TADA2B: variants seen among roughly 807,000 people sequenced by gnomAD.
TADA2B encodes transcriptional adapter 2-beta.
TADA2B carries 13 observed loss-of-function variants against 34.5 expected under a neutral mutation model. The ratio of observed to expected loss-of-function variants is 0.38; its 90% CI spans 0.25 to 0.60. The LOEUF (loss-of-function observed/expected upper bound fraction) is 0.60. TADA2B is among the 20% of genes least tolerant of loss of function. The pLI, the probability that TADA2B is intolerant of heterozygous loss-of-function variation, is 0.65. For synonymous variants in TADA2B, 240 were observed against 243.4 expected (o/e 0.99, Z 0.13); for missense variants, 442 against 575.0 (o/e 0.77, Z 2.37).
intron 1 of TADA2B, among the ~76,000 whole-genome samples, chr4:7,048,550 T>G (rs1245657317): frequency 2.0e-5 from 3 of 152,156 alleles, no homozygotes; most frequent in Non-Finnish European, 2.9e-5. Context: ...AACTTCAAAA[T>G]TATTTAAAAA....
chr4:7,046,744 G>A (rs1283396761), intron 1 of TADA2B, among the ~76,000 whole-genome samples: 3 of 152,218 alleles, frequency 2.0e-5, no homozygotes, highest in Admixed American at 6.5e-5. Context: ...GTGATGTGAC[G>A]AAAGATGAGA....
chr4:7,044,716 G>C (rs1723580306), intron 1 of TADA2B, among the ~76,000 whole-genome samples: 1 of 152,166 alleles, frequency 6.6e-6, no homozygotes, highest in Non-Finnish European at 1.5e-5. Context: ...CCATCCCCGG[G>C]CACCCTGAGG....
chr4:7,043,886 C>G, intron 1 of TADA2B, 37 bp downstream of exon 1: 1 of 1,448,710 alleles, frequency 6.9e-7, no homozygotes, highest in Non-Finnish European at 9.1e-7. Context: ...CCGGCTAGGG[C>G]ACTGGAAGGC....
chr4:7,044,286 C>G (rs1003944417), intron 1 of TADA2B, among the ~76,000 whole-genome samples: 1 of 152,200 alleles, frequency 6.6e-6, no homozygotes, highest in Non-Finnish European at 1.5e-5. Flanking sequence ...CTCGGGGTCT[C>G]TGGGGCGGCC....
intron 1 of TADA2B, among the ~76,000 whole-genome samples, chr4:7,046,427 G>T (rs1253963095): frequency 6.6e-6 from 1 of 152,158 alleles, no homozygotes; most frequent in Non-Finnish European, 1.5e-5. Flanking sequence ...CTCGGGGGTG[G>T]GTTCTTATTC....
rs1723895306 is a variant in TADA2B at position 7,056,467 on chromosome 4, C to T, written c.*1413C>T. ...CCCGTAGGTACCAAGAGACTGTTTACCTCCCAGAATGTTTGGGCTTGAAGT... is the reference window on the plus strand; with the variant it reads ...CCCGTAGGTACCAAGAGACTGTTTATCTCCCAGAATGTTTGGGCTTGAAGT... On this transcript the variant is annotated 3_prime_UTR_variant, in exon 2 of 2. Coordinates refer to ENST00000310074, the MANE Select transcript of TADA2B (RefSeq NM_152293.3). 1 of 152,522 alleles carries T rather than the reference C, an allele frequency of 6.6e-6. No individual in the cohort carries two copies. Among genetic ancestry groups the T allele is most frequent in the Non-Finnish European group, 1.5e-5 (1 of 68,024 alleles). The allele number at this position is 152,522 out of a possible 1,614,324, so 9.4% of individuals were successfully genotyped here. A position where few individuals can be genotyped will look rare whatever the true frequency, so the allele number is the denominator to read the frequency against.
chr4:7,045,522 C>T (rs1029915498), intron 1 of TADA2B: 3 of 152,256 alleles, frequency 2.0e-5, no homozygotes, highest in Admixed American at 2.0e-4. Flanking sequence ...AATGAGATCT[C>T]ATCTGTTACC....
In TADA2B at chr4:7,043,732, C is replaced by T; in HGVS notation, c.153C>T (p.Tyr51=). The change falls in exon 1 of 2, where the codon TAC becomes TAT. Residue 51 remains tyrosine (Y), a synonymous_variant. Coordinates refer to ENST00000310074, the MANE Select transcript of TADA2B (RefSeq NM_152293.3). ...EIGHHRRYHG[Y]QLVDGGRFTL... Reference sequence around the variant, plus strand: ...GCCACCACCGCCGCTACCACGGCTACCAGCTGGTGGACGGCGGGCGCTTCA... The same window carrying T: ...GCCACCACCGCCGCTACCACGGCTATCAGCTGGTGGACGGCGGGCGCTTCA... 1 of 1,589,868 alleles carries T rather than the reference C, an allele frequency of 6.3e-7. No individual in the cohort carries two copies. Among genetic ancestry groups the T allele is most frequent in the Non-Finnish European group, 8.5e-7 (1 of 1,173,712 alleles).
intron 1 of TADA2B, among the ~76,000 whole-genome samples, chr4:7,048,516 G>C (rs1723692065): frequency 6.6e-6 from 1 of 152,220 alleles, no homozygotes; most frequent in African/African-American, 2.4e-5. Flanking sequence ...CTGGGGTAGA[G>C]TGGTAAGACA....
intron 1 of TADA2B, among the ~76,000 whole-genome samples, chr4:7,044,667 C>T (rs1011766567): frequency 1.3e-5 from 2 of 152,202 alleles, no homozygotes; most frequent in African/African-American, 4.8e-5. Context: ...GAGAAAATCT[C>T]TAGCCGTATT....
intron 1 of TADA2B, among the ~76,000 whole-genome samples, chr4:7,048,353 C>T (rs1161967572): frequency 1.3e-5 from 2 of 152,084 alleles, no homozygotes; most frequent in Admixed American, 6.6e-5. Flanking sequence ...TCTCCAACTC[C>T]AGCCCACAGT....
At chr4:7,047,665 G>A (rs1001055777) in intron 1 of TADA2B, among the ~76,000 whole-genome samples, 1 of 152,278 alleles carries the variant, frequency 6.6e-6, no homozygotes. Flanking sequence ...GGGCAAGTGG[G>A]CCTCAGGATG....
At chr4:7,043,967 C>T in intron 1 of TADA2B, 118 bp downstream of exon 1, 1 of 1,276,628 alleles carries the variant, frequency 7.8e-7, no homozygotes, top group Non-Finnish European at 1.0e-6. Flanking sequence ...CCCAGAAGGC[C>T]CCGGAGGTGG....
chr4:7,043,693 C>T lies in TADA2B; in HGVS notation c.114C>T (p.Ala38=), dbSNP rs755663859. The T allele has an allele frequency of 3.2e-6, 5 of 1,586,622 alleles. No individual in the cohort carries two copies. In the East Asian group the frequency reaches 9.2e-5, roughly 29 times the overall value. Residue 38 remains alanine (A), a synonymous_variant, in exon 1 of 2, where the codon GCC becomes GCT. Transcript: ENST00000310074. ...AGCTGTGCCCCGAGTGCTTCTCGGC[C>T]GGCGCCGAGATCGGCCACCACCGCC... is the stretch of plus-strand genomic sequence containing the variant. ...DIELCPECFS[A]GAEIGHHRRY... is the part of the protein sequence containing the mutation.
At chr4:7,048,806 C>T (rs1472287633) in intron 1 of TADA2B, among the ~76,000 whole-genome samples, 7 of 152,124 alleles carry the variant, frequency 4.6e-5, no homozygotes, top group African/African-American at 1.7e-4. Context: ...ACCTCAAATG[C>T]GTGGGTCCTG....
chr4:7,045,459 C>A (rs1406839623), intron 1 of TADA2B, among the ~76,000 whole-genome samples: 1 of 152,352 alleles, frequency 6.6e-6, no homozygotes, highest in East Asian at 1.9e-4. Context: ...AAGCGCCTCA[C>A]ACCGGCCTCA....
At chr4:7,047,342 T>C (rs192279409) in intron 1 of TADA2B, among the ~76,000 whole-genome samples, 1 of 152,274 alleles carries the variant, frequency 6.6e-6, no homozygotes, top group Admixed American at 6.5e-5. Context: ...AAGCTGGCCC[T>C]TGTGGTTTTG....
chr4:7,044,761 T>G (rs1486025226), intron 1 of TADA2B, among the ~76,000 whole-genome samples: 2 of 152,130 alleles, frequency 1.3e-5, no homozygotes, highest in Non-Finnish European at 2.9e-5. Context: ...CGCCCTTAGC[T>G]TTCCAGAGTC....
In TADA2B at chr4:7,051,456, G is replaced by C. The variant is rs116333137; in HGVS notation, c.271-2606G>C. On this transcript the variant is annotated intron_variant, in intron 1 of 1. Coordinates refer to ENST00000310074, the MANE Select transcript of TADA2B (RefSeq NM_152293.3). Reference sequence around the variant, plus strand: ...AGGTGCGAGGCAGGAGCCAGGGACAGCTGTAGACCCCACGAGGCACACTAA... The same window carrying C: ...AGGTGCGAGGCAGGAGCCAGGGACACCTGTAGACCCCACGAGGCACACTAA... Among the ~76,000 whole-genome samples the C allele has an allele frequency of 9.7e-3, 1,475 of 152,332 alleles. 11 individuals are homozygous for C. The highest frequency in any genetic ancestry group is 0.037 in the Middle Eastern group (11 of 294).
Sources: allele counts gnomAD v4.1 joint callset (sites outside exome capture counted in the v4.1 genomes callset), GRCh38; gene constraint gnomAD v4.1.1; transcripts MANE v1.5; gene names NCBI Gene and HGNC (gene_info 2026-07-23, HGNC 2026-07-21).